The following TMEM132D variants were observed in gnomAD, a reference collection of about 807,000 sequenced individuals.
TMEM132D encodes the protein mature OL transmembrane protein.
Under a neutral mutation model 62.3 loss-of-function variants are expected in TMEM132D, and 21 were observed. That is an observed-to-expected ratio of 0.34 (90% confidence interval 0.24 to 0.49). The LOEUF (loss-of-function observed/expected upper bound fraction) is 0.49, where lower values mean the gene tolerates loss of function less well. Ranked by LOEUF, TMEM132D falls within the 20% of genes least tolerant of loss-of-function variation. The pLI is 0.99. For synonymous variants in TMEM132D, 621 were observed against 575.6 expected (o/e 1.08, Z -1.13); for missense variants, 1,346 against 1,402.8 (o/e 0.96, Z 0.65).
chr12:129,421,936 T>C lies in TMEM132D; in HGVS notation c.1116-84119A>G, dbSNP rs527897804. ...TGTGGCAAATGCACAGGTGTGTGTC[T>C]ACCAAAGTGAAGGTACAGAACAATG... On this transcript the variant is annotated intron_variant, in intron 3 of 8. Transcript: ENST00000422113. 8.2e-4 allele frequency among the ~76,000 whole-genome samples: 125 copies of C among 152,290 alleles called. 2 individuals are homozygous for C. Among genetic ancestry groups the C allele is most frequent in the Admixed American group, 3.4e-3 (52 of 15,298 alleles).
chr12:129,840,061 T>A (rs1873138635), intron 1 of TMEM132D: 5 of 152,232 alleles, frequency 3.3e-5, no homozygotes, highest in Admixed American at 3.3e-4. Flanking sequence ...CCTATGAATG[T>A]ACTAATATAT....
intron 3 of TMEM132D, among the ~76,000 whole-genome samples, chr12:129,362,982 G>T (rs1267553151): frequency 2.6e-5 from 4 of 152,150 alleles, no homozygotes; most frequent in Non-Finnish European, 4.4e-5. Context: ...TAGTTCTCAA[G>T]AATTTTTAAT....
intron 2 of TMEM132D, among the ~76,000 whole-genome samples, chr12:129,600,152 A>C (rs1191884467): frequency 6.6e-6 from 1 of 152,228 alleles, no homozygotes; most frequent in East Asian, 1.9e-4. Context: ...TCTTTGTAAT[A>C]TTCTAAATCC....
At chr12:129,886,848 C>T (rs1275539792) in intron 1 of TMEM132D, among the ~76,000 whole-genome samples, 1 of 152,174 alleles carries the variant, frequency 6.6e-6, no homozygotes, top group East Asian at 1.9e-4. Context: ...TGAGTCCTCA[C>T]AAGATCTGAT....
rs1340564759 is a variant in TMEM132D at position 129,715,029 on chromosome 12, A to G, written c.80-14331T>C. Among the ~76,000 whole-genome samples the G allele has an allele frequency of 2.0e-5, 3 of 152,194 alleles. No homozygotes were observed. The East Asian group carries it at 5.8e-4, about 29-fold the overall frequency. ...CTTCATTAAGCTGTTTTATATTAAA[A>G]CTAGTAGAGTGTTACATCTCATAAT... On this transcript the variant is annotated intron_variant, in intron 1 of 8. Coordinates refer to ENST00000422113, the MANE Select transcript of TMEM132D (RefSeq NM_133448.3).
rs34137135 is a variant in TMEM132D, at chr12:129,731,667, A to ATT, written c.80-30971_80-30970dup. On this transcript the variant is annotated intron_variant, in intron 1 of 8. Transcript: ENST00000422113. ...GTTTTCAGACTTGAAGCCACTGGAA[A>ATT]TTTTTTTTTTTTTGAGACGGAGTCT... is the stretch of plus-strand genomic sequence containing the variant. Among the ~76,000 whole-genome samples, 344 of 148,942 alleles carry ATT rather than the reference A, an allele frequency of 2.3e-3. 3 individuals are homozygous for ATT. The highest frequency in any genetic ancestry group is 6.3e-3 in the African/African-American group (255 of 40,674).
intron 3 of TMEM132D, among the ~76,000 whole-genome samples, chr12:129,483,395 A>G (rs1026312999): frequency 2.0e-5 from 3 of 152,206 alleles, no homozygotes; most frequent in African/African-American, 7.2e-5. Context: ...CACTGATTCT[A>G]ACACACACCC....
chr12:129,700,599 A>G lies in TMEM132D; in HGVS notation c.179T>C (p.Phe60Ser), dbSNP rs2137227783. 6.2e-7 allele frequency: 1 copy of G among 1,613,984 alleles called. No homozygotes were observed. The highest frequency in any genetic ancestry group is 8.5e-7 in the Non-Finnish European group (1 of 1,180,004). The change falls in exon 2 of 9, where the codon TTC (phenylalanine) becomes TCC (serine). Residue 60 changes from phenylalanine (F) to serine (S), a missense_variant. Phe to Ser is a radical substitution (Grantham distance 155). Coordinates refer to ENST00000422113, the MANE Select transcript of TMEM132D (RefSeq NM_133448.3). ...TYHINNADVS[F>S]FLKEANQDIM... is the part of the protein sequence containing the mutation. ...ATCCTGGTTGGCCTCCTTCAGGAAGAAGGAGACGTCCGCGTTGTTGATGTG... is the reference window on the plus strand; with the variant it reads ...ATCCTGGTTGGCCTCCTTCAGGAAGGAGGAGACGTCCGCGTTGTTGATGTG...
intron 1 of TMEM132D, among the ~76,000 whole-genome samples, chr12:129,703,465 CTTT>C (rs11392426): frequency 3.4e-5 from 5 of 147,692 alleles, no homozygotes; most frequent in Non-Finnish European, 6.0e-5. Context: ...CACTTCCTTT[CTTT>C]TTTTTTTTTA....
intron 3 of TMEM132D, among the ~76,000 whole-genome samples, chr12:129,425,836 C>G (rs917089244): frequency 2.0e-5 from 3 of 152,174 alleles, no homozygotes; most frequent in Non-Finnish European, 4.4e-5. Flanking sequence ...GACTTGGAGA[C>G]TAATGTTTGG....
chr12:129,321,036 A>C (rs1392715815), intron 4 of TMEM132D, among the ~76,000 whole-genome samples: 2 of 152,144 alleles, frequency 1.3e-5, no homozygotes, highest in Non-Finnish European at 2.9e-5. Context: ...TTATAGCTTT[A>C]TTATCTTTTT....
chr12:129,528,244 T>A (rs10847894), intron 3 of TMEM132D, among the ~76,000 whole-genome samples: 101,730 of 152,076 alleles, frequency 0.67, 34,520 homozygotes, highest in African/African-American at 0.78. Flanking sequence ...ACACATCTCA[T>A]CGCAGTCCAT....
intron 4 of TMEM132D, among the ~76,000 whole-genome samples, chr12:129,257,772 C>A (rs1381107031): frequency 2.0e-5 from 3 of 152,130 alleles, no homozygotes; most frequent in African/African-American, 7.2e-5. Flanking sequence ...AAGGTGTGAG[C>A]TTGACCTACA....
intron 2 of TMEM132D, among the ~76,000 whole-genome samples, chr12:129,652,813 A>G (rs1486391236): frequency 6.6e-6 from 1 of 152,244 alleles, no homozygotes; most frequent in African/African-American, 2.4e-5. Flanking sequence ...TACAACAGCC[A>G]CAGGAAATTA....
intron 2 of TMEM132D, among the ~76,000 whole-genome samples, chr12:129,633,096 C>T (rs1051131596): frequency 2.0e-5 from 3 of 152,126 alleles, no homozygotes; most frequent in African/African-American, 4.8e-5. Context: ...ATCATCTGTC[C>T]TCCAAAAGGA....
At chr12:129,333,285 T>C (rs1220843659) in intron 4 of TMEM132D, among the ~76,000 whole-genome samples, 5 of 152,218 alleles carry the variant, frequency 3.3e-5, no homozygotes, top group Non-Finnish European at 5.9e-5. Context: ...TTGGCAAACA[T>C]TATGAAAAAG....
At chr12:129,859,117 T>C (rs1045855076) in intron 1 of TMEM132D, among the ~76,000 whole-genome samples, 2 of 152,270 alleles carry the variant, frequency 1.3e-5, no homozygotes, top group East Asian at 3.9e-4. Context: ...AGGGTGTTCA[T>C]CCGTTCCACC....
chr12:129,086,203 T>C (rs57175000), intron 5 of TMEM132D, among the ~76,000 whole-genome samples: 23,803 of 111,914 alleles, frequency 0.21, 2,036 homozygotes, highest in East Asian at 0.29. Context: ...CGCGCGCGCG[T>C]GTGTGTGTGT....
At chr12:129,601,057 G>A (rs975453406) in intron 2 of TMEM132D, among the ~76,000 whole-genome samples, 14 of 152,104 alleles carry the variant, frequency 9.2e-5, no homozygotes, top group East Asian at 1.9e-4. Context: ...TCATTTACAC[G>A]GAAAATCTTT....
Sources: allele counts gnomAD v4.1 joint callset (sites outside exome capture counted in the v4.1 genomes callset), GRCh38; gene constraint gnomAD v4.1.1; transcripts MANE v1.5; gene names NCBI Gene and HGNC (gene_info 2026-07-23, HGNC 2026-07-21).